CREB3L1: variants seen among roughly 807,000 people sequenced by gnomAD.
CREB3L1 encodes cyclic AMP-responsive element-binding protein 3-like protein 1.
In CREB3L1, 33 loss-of-function variants were observed where a neutral mutation model predicts 54.5. The ratio of observed to expected loss-of-function variants is 0.61; its 90% CI spans 0.46 to 0.81. CREB3L1 has a LOEUF of 0.81. Among genes scored for constraint, CREB3L1 ranks in the 30% least tolerant of loss-of-function variants. The pLI is 0.00. For synonymous variants in CREB3L1, 284 were observed against 286.4 expected (o/e 0.99, Z 0.08); for missense variants, 656 against 673.3 (o/e 0.97, Z 0.29).
intron 1 of CREB3L1, among the ~76,000 whole-genome samples, chr11:46,281,574 G>A (rs1031509422): frequency 6.6e-6 from 1 of 152,224 alleles, no homozygotes; most frequent in African/African-American, 2.4e-5. Flanking sequence ...TGCAGCTGGG[G>A]AGGCCAGGTG....
chr11:46,319,696 T>G (rs1430602792), intron 10 of CREB3L1, among the ~76,000 whole-genome samples: 1 of 151,998 alleles, frequency 6.6e-6, no homozygotes, highest in Non-Finnish European at 1.5e-5. Flanking sequence ...CTGGCCAACA[T>G]GGTGAAACCC....
In CREB3L1 at chr11:46,277,939, CCCGCGCCCCCCACCCGGGG is replaced by C. The variant is rs1938898064; in HGVS notation, c.-165_-147del. The C allele has an allele frequency of 9.9e-6, 4 of 402,310 alleles. No homozygotes were observed. In the East Asian group the frequency reaches 1.5e-4, roughly 15 times the overall value. The allele number at this position is 402,310 out of a possible 1,614,324, so 24.9% of individuals were successfully genotyped here. A position where few individuals can be genotyped will look rare whatever the true frequency, so the allele number is the denominator to read the frequency against. Reference sequence around the variant, plus strand: ...CCGCTGCCCTAAGGCCCCCGCGCGCCCCGCGCCCCCCACCCGGGGCCGCGCCGCCTCCGTCCGCCCCTCC... The same window carrying C: ...CCGCTGCCCTAAGGCCCCCGCGCGCCCCGCGCCGCCTCCGTCCGCCCCTCC... On this transcript the variant is annotated 5_prime_UTR_variant, in exon 1 of 12. Transcript: ENST00000621158.
At chr11:46,313,012 G>C in intron 8 of CREB3L1, 93 bp downstream of exon 8, 6 of 964,460 alleles carry the variant, frequency 6.2e-6, no homozygotes, top group Non-Finnish European at 9.3e-6. Flanking sequence ...GGAGAGGAGA[G>C]AGAACTAAGT....
chr11:46,320,851 C>A lies in CREB3L1; in HGVS notation c.*105C>A. The stretch of plus-strand genomic sequence containing the variant: ...CGTGCCCCTGCCTCCTGGAGCTTCC[C>A]ATTCCAGGAGAAAAGGCTCCACTTC... On this transcript the variant is annotated 3_prime_UTR_variant, in exon 12 of 12. Coordinates refer to ENST00000621158, the MANE Select transcript of CREB3L1 (RefSeq NM_052854.4). 8.1e-7 allele frequency: 1 copy of A among 1,238,482 alleles called. No individual in the cohort carries two copies. 76.7% of individuals were successfully genotyped at this position (1,238,482 alleles called of 1,614,324 possible). A position where few individuals can be genotyped will look rare whatever the true frequency, so the allele number is the denominator to read the frequency against.
At chr11:46,307,215 T>G (rs1413671296) in intron 2 of CREB3L1, among the ~76,000 whole-genome samples, 3 of 152,046 alleles carry the variant, frequency 2.0e-5, no homozygotes, top group African/African-American at 7.2e-5. Flanking sequence ...CCTGAGTAGC[T>G]GGGATTATAG....
chr11:46,307,973 C>A lies in CREB3L1; in HGVS notation c.489C>A (p.Pro163=). The A allele has an allele frequency of 6.4e-7, 1 of 1,556,624 alleles. No homozygotes were observed. The highest frequency in any genetic ancestry group is 2.4e-5 in the East Asian group (1 of 41,750). ...MATTPLLGLS[P]LSRLPIPHQA... ...CCACCCCGCTGCTGGGCCTCAGCCCCTTGTCCAGGCTGCCCATCCCCCACC... is the reference window on the plus strand; with the variant it reads ...CCACCCCGCTGCTGGGCCTCAGCCCATTGTCCAGGCTGCCCATCCCCCACC... The change falls in exon 3 of 12, where the codon CCC becomes CCA. Residue 163 remains proline, a synonymous_variant. Coordinates refer to ENST00000621158, the MANE Select transcript of CREB3L1 (RefSeq NM_052854.4).
Position 46,300,451 on chromosome 11 carries a change from T to C in CREB3L1, c.331+288T>C, listed in dbSNP as rs374349744. On this transcript the variant is annotated intron_variant, in intron 2 of 11. Transcript: ENST00000621158. ...GGGAATCTGTTAGACATGCAGATTC[T>C]CGGGTTCCACCCCCAACCTGCTGAA... 1.1e-4 allele frequency among the ~76,000 whole-genome samples: 16 copies of C among 152,366 alleles called. No individual in the cohort carries two copies. In the East Asian group the frequency reaches 2.7e-3, roughly 26 times the overall value.
chr11:46,302,284 C>T (rs1432766945), intron 2 of CREB3L1, among the ~76,000 whole-genome samples: 10 of 151,982 alleles, frequency 6.6e-5, no homozygotes, highest in African/African-American at 9.6e-5. Context: ...TCCTCTGAGA[C>T]GCTACTTGAG....
intron 3 of CREB3L1, among the ~76,000 whole-genome samples, chr11:46,309,444 C>T (rs933187101): frequency 1.1e-4 from 17 of 152,318 alleles, no homozygotes; most frequent in African/African-American, 4.1e-4. Flanking sequence ...TTAAAAATGT[C>T]CATCTGATTC....
intron 1 of CREB3L1, among the ~76,000 whole-genome samples, chr11:46,282,028 G>A (rs1451863811): frequency 6.6e-6 from 1 of 152,158 alleles, no homozygotes; most frequent in Non-Finnish European, 1.5e-5. Context: ...TTTGGGTTTT[G>A]CTTCCCCCAG....
chr11:46,307,742 G>C (rs1264233452), intron 2 of CREB3L1, 74 bp from the exon 3 acceptor site: 1 of 1,317,798 alleles, frequency 7.6e-7, no homozygotes, highest in East Asian at 2.6e-5. Context: ...TTCAGCCTAG[G>C]GTAGCTCCCA....
chr11:46,295,085 G>C lies in CREB3L1; in HGVS notation c.103-4850G>C, dbSNP rs549206193. ...CGGGGGAGGGGCAGAAGTTAGGAGTGGGGGTGCAGGCGCCAAGGAGCCAGG... is the reference window on the plus strand; with the variant it reads ...CGGGGGAGGGGCAGAAGTTAGGAGTCGGGGTGCAGGCGCCAAGGAGCCAGG... On this transcript the variant is annotated intron_variant, in intron 1 of 11. Transcript: ENST00000621158. This position sits in a 1 kb window ranked among gnomAD's most constrained non-coding sequence, Gnocchi z 4.6. 1 of 152,820 alleles carries C rather than the reference G, an allele frequency of 6.5e-6. No individual in the cohort carries two copies. The highest frequency in any genetic ancestry group is 1.5e-5 in the Non-Finnish European group (1 of 68,590). 9.5% of individuals were successfully genotyped at this position (152,820 alleles called of 1,614,324 possible). A position where few individuals can be genotyped will look rare whatever the true frequency, so the allele number is the denominator to read the frequency against.
At chr11:46,315,299 T>C in intron 8 of CREB3L1, 1 of 217,430 alleles carries the variant, frequency 4.6e-6, no homozygotes, top group East Asian at 6.9e-5. Flanking sequence ...CAAGCCCTTG[T>C]AGTTATTTCG....
At chr11:46,317,530 C>G (rs762870491) in intron 10 of CREB3L1, 43 bp downstream of exon 10, 120 of 1,598,258 alleles carry the variant, frequency 7.5e-5, no homozygotes, top group Non-Finnish European at 1.0e-4. Flanking sequence ...GCTGAGGCTG[C>G]CCTGCCCCAG....
chr11:46,309,030 G>A (rs548972886), intron 3 of CREB3L1, among the ~76,000 whole-genome samples: 3 of 152,238 alleles, frequency 2.0e-5, no homozygotes, highest in African/African-American at 7.2e-5. Context: ...TTCCAAATTC[G>A]GCCTGCCAGA....
chr11:46,290,776 A>C, intron 1 of CREB3L1, among the ~76,000 whole-genome samples: 1 of 138,284 alleles, frequency 7.2e-6, no homozygotes. Context: ...TGAGCAAGCA[A>C]GGGGATGAGG....
At chr11:46,292,540 AG>A (rs756142505) in intron 1 of CREB3L1, among the ~76,000 whole-genome samples, 2 of 152,178 alleles carry the variant, frequency 1.3e-5, no homozygotes, top group Non-Finnish European at 2.9e-5. Context: ...CTCTATCCTA[AG>A]GGTAGTAGGG....
Position 46,278,735 on chromosome 11 carries a change from C to T in CREB3L1, c.102+522C>T, listed in dbSNP as rs1274853179. On this transcript the variant is annotated intron_variant, in intron 1 of 11. Coordinates refer to ENST00000621158, the MANE Select transcript of CREB3L1 (RefSeq NM_052854.4). The surrounding 1 kb of genome is among the most constrained non-coding windows in gnomAD (Gnocchi z 4.2). Reference sequence around the variant, plus strand: ...CAGGGAATCAGGCCCAGAGACCCCCCACCCCAGGGAGGGACCTGAGGCTGG... The same window carrying T: ...CAGGGAATCAGGCCCAGAGACCCCCTACCCCAGGGAGGGACCTGAGGCTGG... 6.6e-6 allele frequency among the ~76,000 whole-genome samples: 1 copy of T among 152,202 alleles called. No individual in the cohort carries two copies. The highest frequency in any genetic ancestry group is 1.9e-4 in the East Asian group (1 of 5,190).
chr11:46,297,761 C>T (rs1399124558), intron 1 of CREB3L1, among the ~76,000 whole-genome samples: 1 of 152,180 alleles, frequency 6.6e-6, no homozygotes, highest in African/African-American at 2.4e-5. Context: ...ATTATCTCAT[C>T]AGGCTTTGTT....
Sources: allele counts gnomAD v4.1 joint callset (sites outside exome capture counted in the v4.1 genomes callset), GRCh38; gene constraint gnomAD v4.1.1; non-coding constraint Gnocchi (gnomAD v3.1); transcripts MANE v1.5; gene names NCBI Gene and HGNC (gene_info 2026-07-23, HGNC 2026-07-21).